The following LRRC4C variants were observed in gnomAD, a reference collection of about 807,000 sequenced individuals.
The protein encoded by LRRC4C is leucine rich repeat containing 4C.
In LRRC4C, 5 loss-of-function variants were observed where a neutral mutation model predicts 33.6. The observed-to-expected ratio is 0.15, with a 90% CI of 0.08 to 0.31. The LOEUF (loss-of-function observed/expected upper bound fraction) is 0.31. Ranked by LOEUF, LRRC4C falls within the 10% of genes least tolerant of loss-of-function variation. LRRC4C has a pLI of 1.00. For missense variants in LRRC4C, 560 were observed against 796.7 expected, an observed-to-expected ratio of 0.70 and a Z score of 3.58; for synonymous variants, 329 against 302.0, an observed-to-expected ratio of 1.09 and a Z score of -0.93.
At chr11:40,861,739 C>T (rs1482304490) in intron 2 of LRRC4C, among the ~76,000 whole-genome samples, 1 of 152,180 alleles carries the variant, frequency 6.6e-6, no homozygotes, top group Non-Finnish European at 1.5e-5. Context: ...GTTCTGCAGA[C>T]TATACAAGAT....
At chr11:40,752,238 A>C (rs1393514000) in intron 2 of LRRC4C, among the ~76,000 whole-genome samples, 1 of 152,064 alleles carries the variant, frequency 6.6e-6, no homozygotes, top group African/African-American at 2.4e-5. Context: ...CGACTGACAC[A>C]AAAATAGACA....
chr11:40,137,479 G>A (rs527236371), intron 6 of LRRC4C, among the ~76,000 whole-genome samples: 3 of 151,992 alleles, frequency 2.0e-5, no homozygotes, highest in Non-Finnish European at 4.4e-5. Context: ...TCAGATCCAA[G>A]AAGAATGACC....
Position 40,931,350 on chromosome 11 carries a change from T to G in LRRC4C, c.-407+2285A>C, listed in dbSNP as rs542476756. Among the ~76,000 whole-genome samples the G allele has an allele frequency of 6.6e-5, 10 of 152,324 alleles. No individual in the cohort carries two copies. The South Asian group carries it at 1.9e-3, about 28-fold the overall frequency. ...AAGGCTTTTATTTTCTTAGAAATAA[T>G]TTAATCAATGACTATTCGTTTATAT... On this transcript the variant is annotated intron_variant, in intron 2 of 6. Coordinates refer to ENST00000528697, the MANE Select transcript of LRRC4C (RefSeq NM_001258419.2).
At chr11:40,780,244 T>C (rs1950164434) in intron 2 of LRRC4C, among the ~76,000 whole-genome samples, 1 of 152,174 alleles carries the variant, frequency 6.6e-6, no homozygotes, top group African/African-American at 2.4e-5. Flanking sequence ...TACAACATAC[T>C]TTATTTTAAA....
chr11:40,372,269 T>A (rs755445728), intron 3 of LRRC4C, among the ~76,000 whole-genome samples: 1 of 152,178 alleles, frequency 6.6e-6, no homozygotes, highest in East Asian at 1.9e-4. Context: ...GACGGCAGCA[T>A]CAAGGGTCCC....
chr11:40,966,155 G>C (rs1463438698), intron 1 of LRRC4C, among the ~76,000 whole-genome samples: 5 of 151,954 alleles, frequency 3.3e-5, no homozygotes, highest in African/African-American at 7.2e-5. Flanking sequence ...ATCAAGAGTA[G>C]ACGTAATTTC....
intron 5 of LRRC4C, among the ~76,000 whole-genome samples, chr11:40,182,705 A>G (rs545864033): frequency 1.2e-3 from 189 of 152,324 alleles, no homozygotes; most frequent in Non-Finnish European, 1.2e-3. Context: ...AATTCTCACA[A>G]TGAAAACATC....
intron 2 of LRRC4C, among the ~76,000 whole-genome samples, chr11:40,882,416 C>A (rs1178085303): frequency 1.3e-5 from 2 of 152,116 alleles, no homozygotes; most frequent in Non-Finnish European, 2.9e-5. Flanking sequence ...GTCACACTAC[C>A]TACGGCCTGT....
At chr11:40,374,671 C>T (rs569034895) in intron 3 of LRRC4C, among the ~76,000 whole-genome samples, 6 of 152,178 alleles carry the variant, frequency 3.9e-5, no homozygotes, top group South Asian at 2.1e-4. Flanking sequence ...GCAAGCATAG[C>T]AGAAATTAGG....
At chr11:40,603,427 A>G (rs918333484) in intron 3 of LRRC4C, among the ~76,000 whole-genome samples, 1 of 152,220 alleles carries the variant, frequency 6.6e-6, no homozygotes, top group African/African-American at 2.4e-5. Flanking sequence ...TTTAATTCCC[A>G]GCAACAGTAC....
intron 2 of LRRC4C, among the ~76,000 whole-genome samples, chr11:40,864,353 G>A (rs1237397771): frequency 6.6e-6 from 1 of 152,128 alleles, no homozygotes; most frequent in Non-Finnish European, 1.5e-5. Flanking sequence ...GCAGGTGTGA[G>A]CTACCATGCC....
intron 2 of LRRC4C, among the ~76,000 whole-genome samples, chr11:40,650,853 A>G (rs1448002581): frequency 6.6e-6 from 1 of 152,122 alleles, no homozygotes; most frequent in Admixed American, 6.6e-5. Context: ...GACATGACAA[A>G]CCACCCATTA....
chr11:40,304,947 G>C lies in LRRC4C; in HGVS notation c.-176+14681C>G, dbSNP rs111801851. ...GTCCAGCTAATTTTTTGTATTTTTA[G>C]TAGAGACAGGGTTTCACCGTGTTTA... On this transcript the variant is annotated intron_variant, in intron 4 of 6. Transcript: ENST00000528697. Among the ~76,000 whole-genome samples, 9 of 152,214 alleles carry C rather than the reference G, an allele frequency of 5.9e-5. 3 individuals carry two copies. Among genetic ancestry groups the C allele is most frequent in the African/African-American group, 2.2e-4 (9 of 41,554 alleles).
intron 5 of LRRC4C, among the ~76,000 whole-genome samples, chr11:40,190,664 T>TG (rs1234028948): frequency 2.6e-5 from 4 of 152,178 alleles, no homozygotes; most frequent in Admixed American, 1.3e-4. Context: ...GAAATGGGGC[T>TG]GGGGGGGATT....
chr11:40,682,422 A>G (rs1027871169), intron 2 of LRRC4C, among the ~76,000 whole-genome samples: 2 of 152,180 alleles, frequency 1.3e-5, no homozygotes, highest in African/African-American at 4.8e-5. Context: ...TGGGTGCCTC[A>G]TACCAACAGT....
intron 2 of LRRC4C, among the ~76,000 whole-genome samples, chr11:40,724,218 A>G (rs1468001019): frequency 6.6e-6 from 1 of 152,208 alleles, no homozygotes; most frequent in Non-Finnish European, 1.5e-5. Context: ...AAAACTGTCA[A>G]CAAGATTCTG....
intron 5 of LRRC4C, among the ~76,000 whole-genome samples, chr11:40,162,075 G>A (rs1445744352): frequency 6.6e-6 from 1 of 151,954 alleles, no homozygotes; most frequent in Non-Finnish European, 1.5e-5. Context: ...AGTACAAGCA[G>A]GCAGTGGGTT....
At chr11:41,238,434 A>G (rs982838442) in intron 1 of LRRC4C, among the ~76,000 whole-genome samples, 1 of 152,160 alleles carries the variant, frequency 6.6e-6, no homozygotes, top group Non-Finnish European at 1.5e-5. Flanking sequence ...GAACTGTGAG[A>G]TAGTTACTAT....
intron 3 of LRRC4C, among the ~76,000 whole-genome samples, chr11:40,629,899 C>T (rs1363760793): frequency 1.3e-5 from 2 of 152,050 alleles, no homozygotes; most frequent in Non-Finnish European, 2.9e-5. Flanking sequence ...AGATACAGAG[C>T]ATATGTTAAA....
Sources: gnomAD v4.1 joint callset for allele counts (sites outside exome capture counted in the v4.1 genomes callset) on GRCh38, gnomAD v4.1.1 for gene constraint, MANE v1.5 for transcripts, NCBI Gene and HGNC (gene_info 2026-07-23, HGNC 2026-07-21) for gene names.